Variants in CENPP observed in about 807,000 individuals in gnomAD.
The protein encoded by CENPP is centromere protein P.
Under a neutral mutation model 35.6 loss-of-function variants are expected in CENPP, and 24 were observed. The observed-to-expected ratio is 0.67, with a 90% confidence interval of 0.49 to 0.95. The LOEUF is 0.95. Ranked by LOEUF, CENPP falls within the 40% of genes least tolerant of loss-of-function variation. The probability of loss-of-function intolerance (pLI) is 0.00; values close to 1 mark genes in which losing one functional copy is unlikely to be tolerated. For synonymous variants in CENPP, 120 were observed against 125.5 expected (o/e 0.96, Z 0.29); for missense variants, 332 against 345.3 (o/e 0.96, Z 0.31).
intron 5 of CENPP, among the ~76,000 whole-genome samples, chr9:92,559,011 C>T (rs1467378800): frequency 1.3e-5 from 2 of 152,112 alleles, no homozygotes; most frequent in Non-Finnish European, 2.9e-5. Flanking sequence ...TGTTTCCAAG[C>T]AGAGGGCAAG....
chr9:92,403,339 G>A (rs1393069438), intron 5 of CENPP: 1 of 1,613,434 alleles, frequency 6.2e-7, no homozygotes, highest in African/African-American at 1.3e-5. Flanking sequence ...AGTCCTGCTG[G>A]GTTGGTGGTG....
intron 4 of CENPP, among the ~76,000 whole-genome samples, chr9:92,346,833 GATTAGAGGTC>G (rs1348534759): frequency 2.6e-5 from 4 of 152,184 alleles, no homozygotes; most frequent in African/African-American, 9.6e-5. Context: ...GAGTAAAAGG[GATTAGAGGTC>G]ATTCACAGGG....
Position 92,533,303 on chromosome 9 carries a change from C to CAAAA in CENPP, c.565-77988_565-77985dup, listed in dbSNP as rs1174584000. 4.2e-3 allele frequency among the ~76,000 whole-genome samples: 124 copies of CAAAA among 29,852 alleles called. 11 individuals are homozygous for CAAAA. Among genetic ancestry groups the CAAAA allele is most frequent in the Non-Finnish European group, 5.8e-3 (103 of 17,848 alleles). The allele number at this position is 29,852 out of a possible 152,430, so 19.6% of individuals were successfully genotyped here. ...CGATAGAGTGAGACTCGGTCTCAAA[C>CAAAA]AAAAAAAAAAAAAAAAAAAAAAAAA... On this transcript the variant is annotated intron_variant, in intron 5 of 7. Coordinates refer to ENST00000375587, the MANE Select transcript of CENPP (RefSeq NM_001012267.3).
At chr9:92,385,461 A>G (rs1842380641) in intron 5 of CENPP, 1 of 604,516 alleles carries the variant, frequency 1.7e-6, no homozygotes. Flanking sequence ...CTTTTTACTT[A>G]TTATATGTAA....
At chr9:92,611,255 C>G in intron 5 of CENPP, 59 bp from the exon 6 acceptor site, 2 of 1,409,474 alleles carry the variant, frequency 1.4e-6, no homozygotes, top group Non-Finnish European at 1.0e-6. Context: ...CCGTGCCCCT[C>G]CCATGGCCCC....
At chr9:92,343,040 C>T (rs1316898397) in intron 3 of CENPP, among the ~76,000 whole-genome samples, 1 of 152,026 alleles carries the variant, frequency 6.6e-6, no homozygotes, top group Non-Finnish European at 1.5e-5. Flanking sequence ...AATAAAATTT[C>T]CACTAGAGGG....
chr9:92,609,955 T>G (rs944077642), intron 5 of CENPP, among the ~76,000 whole-genome samples: 1 of 152,128 alleles, frequency 6.6e-6, no homozygotes, highest in Admixed American at 6.5e-5. Context: ...AGGCTGGTCT[T>G]GAACTCCTGA....
intron 5 of CENPP, among the ~76,000 whole-genome samples, chr9:92,422,234 A>G (rs949548051): frequency 1.3e-5 from 2 of 151,988 alleles, no homozygotes; most frequent in African/African-American, 4.8e-5. Flanking sequence ...TTGTATTTTT[A>G]GTTAAGACGG....
rs751280454 is a variant in CENPP, at chr9:92,615,891, C to T, written c.*2742C>T. ...CTTTCCTTGAACCGAGTCGACATCA[C>T]GGCGTTGTCTTTGGCACGTACAGTC... On this transcript the variant is annotated 3_prime_UTR_variant, in exon 8 of 8. Coordinates refer to ENST00000375587, the MANE Select transcript of CENPP (RefSeq NM_001012267.3). The T allele has an allele frequency of 9.3e-6, 15 of 1,614,080 alleles. No individual in the cohort carries two copies. The highest frequency in any genetic ancestry group is 1.7e-5 in the Admixed American group (1 of 60,006).
intron 5 of CENPP, chr9:92,466,340 T>C: frequency 2.7e-6 from 4 of 1,473,950 alleles, no homozygotes; most frequent in Non-Finnish European, 3.8e-6. Flanking sequence ...AGATGTCCCA[T>C]TCATTTGAAA....
At chr9:92,444,166 A>G (rs768691323) in intron 5 of CENPP, among the ~76,000 whole-genome samples, 34 of 152,304 alleles carry the variant, frequency 2.2e-4, no homozygotes, top group South Asian at 1.0e-3. Flanking sequence ...TACTGAATCT[A>G]TTTTAATCAA....
At chr9:92,438,276 G>GA (rs1564320163) in intron 5 of CENPP, among the ~76,000 whole-genome samples, 2 of 152,156 alleles carry the variant, frequency 1.3e-5, no homozygotes, top group Non-Finnish European at 2.9e-5. Flanking sequence ...TGTGTGGTGT[G>GA]AGGTTAGGAT....
intron 5 of CENPP, among the ~76,000 whole-genome samples, chr9:92,469,056 G>A (rs905233805): frequency 7.2e-5 from 11 of 152,132 alleles, no homozygotes; most frequent in Middle Eastern, 3.2e-3. Context: ...AGTGGTAAAC[G>A]CATCAACAGG....
intron 4 of CENPP, among the ~76,000 whole-genome samples, chr9:92,372,099 CTTTTTTTTTTT>C (rs71362382): frequency 0.086 from 2,643 of 30,874 alleles, 35 homozygotes; most frequent in African/African-American, 0.088. Context: ...TGCCAGCCAT[CTTTTTTTTTTT>C]TTTTTTTTTT....
At chr9:92,397,234 C>T (rs1842927591) in intron 5 of CENPP, among the ~76,000 whole-genome samples, 1 of 152,082 alleles carries the variant, frequency 6.6e-6, no homozygotes, top group Admixed American at 6.6e-5. Context: ...TCCTTATTTC[C>T]TAACATAGCA....
intron 5 of CENPP, among the ~76,000 whole-genome samples, chr9:92,565,487 T>TA (rs1022329167): frequency 6.6e-6 from 1 of 152,072 alleles, no homozygotes; most frequent in African/African-American, 2.4e-5. Flanking sequence ...CTTAACAAAG[T>TA]AGTAGCTACC....
chr9:92,366,329 T>C (rs1303797317), intron 4 of CENPP, among the ~76,000 whole-genome samples: 10 of 152,212 alleles, frequency 6.6e-5, no homozygotes, highest in Non-Finnish European at 1.5e-4. Flanking sequence ...ATCCACAACT[T>C]AGATCTCTTC....
chr9:92,452,109 G>A (rs1269849278), intron 5 of CENPP, among the ~76,000 whole-genome samples: 7 of 119,684 alleles, frequency 5.8e-5, no homozygotes, highest in Admixed American at 1.5e-4. Context: ...CTGCCTAATT[G>A]CCCTGGCCAG....
Position 92,552,001 on chromosome 9 carries a change from T to C in CENPP, c.565-59313T>C, listed in dbSNP as rs1849611809. Among the ~76,000 whole-genome samples the C allele has an allele frequency of 4.2e-5, 6 of 141,218 alleles. No individual in the cohort carries two copies. In the Admixed American group the frequency reaches 4.3e-4, roughly 10 times the overall value. The allele number at this position is 141,218 out of a possible 152,430, so 92.6% of individuals were successfully genotyped here. ...TGTGTGTGTATATATGTGATATATA[T>C]GTGTATATATATGATATGATAGATC... On this transcript the variant is annotated intron_variant, in intron 5 of 7. Transcript: ENST00000375587.
Sources: allele counts gnomAD v4.1 joint callset (sites outside exome capture counted in the v4.1 genomes callset), GRCh38; gene constraint gnomAD v4.1.1; transcripts MANE v1.5; gene names NCBI Gene and HGNC (gene_info 2026-07-23, HGNC 2026-07-21).